The following MICU1 variants were observed in gnomAD, a reference collection of about 807,000 sequenced individuals.
The protein encoded by MICU1 is mitochondrial calcium uptake 1, also known as calcium uptake protein 1, mitochondrial.
A neutral mutation model predicts 56.8 loss-of-function variants in MICU1; 45 were observed. That is an observed-to-expected ratio of 0.79 (90% confidence interval 0.62 to 1.02). The LOEUF (loss-of-function observed/expected upper bound fraction) is 1.02. MICU1 is among the 50% of genes least tolerant of loss of function. The pLI is 0.00. For synonymous variants in MICU1, 186 were observed against 195.1 expected (o/e 0.95, Z 0.39); for missense variants, 504 against 587.1 (o/e 0.86, Z 1.46).
At chr10:72,606,281 G>A (rs1380773285) in intron 1 of MICU1, among the ~76,000 whole-genome samples, 1 of 152,070 alleles carries the variant, frequency 6.6e-6, no homozygotes, top group Admixed American at 6.6e-5. Flanking sequence ...GGAGGCTGAG[G>A]TGGGTGGATC....
chr10:72,421,429 C>T (rs756481366), intron 9 of MICU1, among the ~76,000 whole-genome samples: 9 of 152,154 alleles, frequency 5.9e-5, no homozygotes, highest in Non-Finnish European at 1.0e-4. Context: ...CGCCCACCAC[C>T]ACGCCTGGCT....
chr10:72,520,203 G>A (rs1867775543), intron 5 of MICU1, among the ~76,000 whole-genome samples: 1 of 151,934 alleles, frequency 6.6e-6, no homozygotes, highest in Admixed American at 6.6e-5. Flanking sequence ...TAGAAAGAAA[G>A]AGAAAATTCA....
intron 5 of MICU1, among the ~76,000 whole-genome samples, chr10:72,522,215 T>G (rs1473245668): frequency 3.3e-5 from 5 of 152,082 alleles, no homozygotes; most frequent in African/African-American, 1.2e-4. Flanking sequence ...TGCTAGAATG[T>G]GCTAAAATAT....
At chr10:72,619,623 T>G (rs1408045058) in intron 1 of MICU1, among the ~76,000 whole-genome samples, 1 of 152,160 alleles carries the variant, frequency 6.6e-6, no homozygotes, top group Non-Finnish European at 1.5e-5. Flanking sequence ...TACATACAAT[T>G]GCTCCACAAA....
At chr10:72,404,942 T>C (rs114616002) in intron 10 of MICU1, among the ~76,000 whole-genome samples, 4,162 of 152,318 alleles carry the variant, frequency 0.027, 182 homozygotes, top group African/African-American at 0.096. Context: ...AGTCTTGCTC[T>C]GCTACCCAGT....
rs1299680415 is a variant in MICU1 at position 72,611,590 on chromosome 10, G to GA, written c.-2+14419dup. Among the ~76,000 whole-genome samples the GA allele has an allele frequency of 9.3e-5, 14 of 151,308 alleles. No homozygotes were observed. In the South Asian group the frequency reaches 1.5e-3, roughly 16 times the overall value. On this transcript the variant is annotated intron_variant, in intron 1 of 11. Transcript: ENST00000361114. ...GACTCCATCTCAAAAAAAAGAAAAAGAAAAAACCCTAAAAAGAAAGCCCTG... is the reference window on the plus strand; with the variant it reads ...GACTCCATCTCAAAAAAAAGAAAAAGAAAAAAACCCTAAAAAGAAAGCCCTG...
intron 5 of MICU1, chr10:72,523,969 T>C: frequency 1.5e-6 from 2 of 1,323,752 alleles, no homozygotes; most frequent in Middle Eastern, 1.9e-4. Context: ...CCTTAAGCCA[T>C]TTTACTGAGC....
rs193073192 is a variant in MICU1, at chr10:72,512,607, A to G, written c.538-4338T>C. 5.2e-3 allele frequency among the ~76,000 whole-genome samples: 788 copies of G among 152,260 alleles called. 7 individuals carry two copies. Among genetic ancestry groups the G allele is most frequent in the African/African-American group, 0.018 (754 of 41,544 alleles). On this transcript the variant is annotated intron_variant, in intron 5 of 11. Coordinates refer to ENST00000361114, the MANE Select transcript of MICU1 (RefSeq NM_001195518.2). Reference sequence around the variant, plus strand: ...TTATTCATGTATGAGTATCTGTTTGAGTACCTGTTGTCAATTCTTTTGGTA... The same window carrying G: ...TTATTCATGTATGAGTATCTGTTTGGGTACCTGTTGTCAATTCTTTTGGTA...
intron 1 of MICU1, among the ~76,000 whole-genome samples, chr10:72,570,482 C>T (rs1202950042): frequency 6.6e-6 from 1 of 152,080 alleles, no homozygotes; most frequent in Non-Finnish European, 1.5e-5. Context: ...ACTCTAAGTT[C>T]CTAATTTACT....
chr10:72,442,722 G>A (rs1169237368), intron 8 of MICU1, among the ~76,000 whole-genome samples: 2 of 152,094 alleles, frequency 1.3e-5, no homozygotes, highest in African/African-American at 2.4e-5. Flanking sequence ...CAGTAGGTAA[G>A]GTCTAGACCT....
intron 1 of MICU1, among the ~76,000 whole-genome samples, chr10:72,592,017 T>G (rs1006374891): frequency 1.4e-4 from 21 of 150,540 alleles, no homozygotes; most frequent in Middle Eastern, 3.5e-3. Flanking sequence ...TTTTTTTGTT[T>G]TTTTTTTTTT....
At chr10:72,531,007 T>C (rs1426451548) in intron 5 of MICU1, among the ~76,000 whole-genome samples, 2 of 152,208 alleles carry the variant, frequency 1.3e-5, no homozygotes. Flanking sequence ...TTGTTCTTAC[T>C]TTCAATGACA....
intron 6 of MICU1, among the ~76,000 whole-genome samples, chr10:72,485,298 G>A (rs547330925): frequency 3.3e-5 from 5 of 151,916 alleles, no homozygotes; most frequent in Non-Finnish European, 5.9e-5. Flanking sequence ...GGCTGGTCTC[G>A]ATTTCCTGGG....
intron 1 of MICU1, among the ~76,000 whole-genome samples, chr10:72,619,011 T>C (rs1842042071): frequency 6.6e-6 from 1 of 152,256 alleles, no homozygotes; most frequent in South Asian, 2.1e-4. Flanking sequence ...AACCTGTTTG[T>C]TGATATGTGG....
At chr10:72,615,680 T>A (rs1192377402) in intron 1 of MICU1, among the ~76,000 whole-genome samples, 1 of 152,158 alleles carries the variant, frequency 6.6e-6, no homozygotes, top group Non-Finnish European at 1.5e-5. Flanking sequence ...ATACCTTCCA[T>A]GTCTCTATTT....
chr10:72,372,533 C>T (rs1862379894), intron 11 of MICU1, among the ~76,000 whole-genome samples: 1 of 151,736 alleles, frequency 6.6e-6, no homozygotes, highest in Non-Finnish European at 1.5e-5. Flanking sequence ...AGGATTCTTA[C>T]ACTTTGTATA....
chr10:72,616,256 G>T (rs1841977381), intron 1 of MICU1, among the ~76,000 whole-genome samples: 1 of 151,978 alleles, frequency 6.6e-6, no homozygotes, highest in South Asian at 2.1e-4. Context: ...AATTATTTTT[G>T]AGCTTTCTTC....
At chr10:72,502,835 G>A (rs1420868830) in intron 6 of MICU1, 1 of 158,222 alleles carries the variant, frequency 6.3e-6, no homozygotes, top group African/African-American at 2.4e-5. Context: ...TGTTATAATA[G>A]ATAAAGTAGA....
intron 8 of MICU1, among the ~76,000 whole-genome samples, chr10:72,447,055 G>A (rs1248669815): frequency 6.6e-6 from 1 of 152,156 alleles, no homozygotes; most frequent in Non-Finnish European, 1.5e-5. Flanking sequence ...TATAAGAAGA[G>A]AAATAAAAGA....
Sources: gnomAD v4.1 joint callset for allele counts (sites outside exome capture counted in the v4.1 genomes callset) on GRCh38, gnomAD v4.1.1 for gene constraint, MANE v1.5 for transcripts, NCBI Gene and HGNC (gene_info 2026-07-23, HGNC 2026-07-21) for gene names.